The following TMEM234 variants were observed in gnomAD, a reference collection of about 807,000 sequenced individuals.
The protein encoded by TMEM234 is transmembrane protein 234, also known as chromosome 1 open reading frame 91.
Under a neutral mutation model 17.8 loss-of-function variants are expected in TMEM234, and 21 were observed. That is an observed-to-expected ratio of 1.18 (90% CI 0.84 to 1.70). The LOEUF (loss-of-function observed/expected upper bound fraction) is 1.70, where lower values mean the gene tolerates loss of function less well. Ranked by LOEUF, TMEM234 falls within the 40% of genes most tolerant of loss-of-function variation. The pLI, the probability that TMEM234 is intolerant of heterozygous loss-of-function variation, is 0.00. For synonymous variants in TMEM234, 83 were observed against 73.5 expected (o/e 1.13, Z -0.66); for missense variants, 137 against 166.9 (o/e 0.82, Z 0.99).
Position 32,221,069 on chromosome 1 carries a change from C to T in TMEM234, c.235+62G>A, listed in dbSNP as rs187445970. On this transcript the variant is annotated intron_variant, in intron 3 of 4. Transcript: ENST00000309777. ...GGTGTTTCAAGCTCCACCCCGCCCC[C>T]CCCAATCACTCTTCCAGGTGGCCTC... 2.0e-3 allele frequency: 2,927 copies of T among 1,428,058 alleles called. 10 individuals are homozygous for T. Among genetic ancestry groups the T allele is most frequent in the Middle Eastern group, 4.8e-3 (27 of 5,656 alleles). The allele number at this position is 1,428,058 out of a possible 1,614,324, so 88.5% of individuals were successfully genotyped here. A position where few individuals can be genotyped will look rare whatever the true frequency, so the allele number is the denominator to read the frequency against.
At chr1:32,218,501 C>T (rs1021357309) in intron 3 of TMEM234, among the ~76,000 whole-genome samples, 3 of 142,130 alleles carry the variant, frequency 2.1e-5, no homozygotes, top group African/African-American at 5.3e-5. Flanking sequence ...GTGTTCTTAT[C>T]ACATCAAAAA....
At chr1:32,221,073 A>C (rs1638860710) in intron 3 of TMEM234, 58 bp downstream of exon 3, 17 of 1,367,202 alleles carry the variant, frequency 1.2e-5, no homozygotes, top group African/African-American at 2.9e-5. Context: ...CGCCCCCCCC[A>C]ATCACTCTTC....
chr1:32,214,597 G>A, downstream of TMEM234: 2 of 651,474 alleles, frequency 3.1e-6, no homozygotes, highest in Non-Finnish European at 5.1e-6. Context: ...AGGAGTGCCA[G>A]GCATCTACTG....
chr1:32,215,223 A>C (rs1321035588), downstream of TMEM234: 1 of 569,570 alleles, frequency 1.8e-6, no homozygotes, highest in African/African-American at 1.9e-5. Context: ...GCACCTGGAA[A>C]GGGCAGTGCT....
intron 3 of TMEM234, among the ~76,000 whole-genome samples, chr1:32,217,812 A>G (rs997636176): frequency 6.6e-6 from 1 of 152,252 alleles, no homozygotes; most frequent in African/African-American, 2.4e-5. Context: ...TAAAAGAAAC[A>G]AAGGCTCAAA....
intron 1 of TMEM234, 30 bp from the exon 2 acceptor site, chr1:32,222,048 CCCCACCCCAAACGGCCG>C: frequency 6.3e-7 from 1 of 1,578,322 alleles, no homozygotes; most frequent in Non-Finnish European, 8.6e-7. Context: ...TCACCCTGAC[CCCCACCCCAAACGGCCG>C]CCCACCCCGC....
chr1:32,214,797 G>T, downstream of TMEM234: 1 of 1,613,890 alleles, frequency 6.2e-7, no homozygotes, highest in African/African-American at 1.3e-5. Flanking sequence ...CCTTCTCTAG[G>T]CCCAAGGCCA....
intron 3 of TMEM234, among the ~76,000 whole-genome samples, chr1:32,217,849 A>G (rs889136679): frequency 3.9e-5 from 6 of 152,266 alleles, no homozygotes; most frequent in Non-Finnish European, 5.9e-5. Flanking sequence ...AGGCAAGTTG[A>G]GGATTTAAAC....
At chr1:32,215,379 G>A (rs935103330), downstream of TMEM234, 21 of 1,409,786 alleles carry the variant, frequency 1.5e-5, no homozygotes, top group African/African-American at 2.9e-4. Context: ...TGAAGGTCCA[G>A]GGCAGGAATG....
At chr1:32,219,161 C>T (rs145288971) in intron 3 of TMEM234, among the ~76,000 whole-genome samples, 153 of 150,316 alleles carry the variant, frequency 1.0e-3, no homozygotes, top group Admixed American at 1.8e-3. Flanking sequence ...GACCAATGGA[C>T]GAATCAGCTG....
chr1:32,216,057 A>G, downstream of TMEM234: 1 of 730,176 alleles, frequency 1.4e-6, no homozygotes, highest in Non-Finnish European at 2.3e-6. Context: ...CTAAACCCAC[A>G]GCCCAGCCTT....
downstream of TMEM234, chr1:32,215,584 G>A (rs369781830): frequency 6.3e-6 from 10 of 1,580,294 alleles, no homozygotes; most frequent in Non-Finnish European, 8.6e-6. Flanking sequence ...GGGGTGGGAG[G>A]AGCTCTGAGC....
intron 3 of TMEM234, among the ~76,000 whole-genome samples, chr1:32,220,445 G>C (rs1638792932): frequency 6.6e-6 from 1 of 152,180 alleles, no homozygotes; most frequent in Non-Finnish European, 1.5e-5. Flanking sequence ...CCAAAGTGCT[G>C]GGATTACAGG....
At chr1:32,214,694 C>A, downstream of TMEM234, 1 of 1,514,002 alleles carries the variant, frequency 6.6e-7, no homozygotes. Flanking sequence ...TCTCCTCTGC[C>A]ATGTTCCTGC....
At chr1:32,215,524 C>G, downstream of TMEM234, 1 of 1,613,688 alleles carries the variant, frequency 6.2e-7, no homozygotes, top group Non-Finnish European at 8.5e-7. Flanking sequence ...GACACTCAGA[C>G]AGAGGAGCCC....
chr1:32,215,773 C>CA (rs1638331399), downstream of TMEM234: 8 of 1,516,306 alleles, frequency 5.3e-6, no homozygotes, highest in East Asian at 2.0e-4. Flanking sequence ...CTCACGGCTC[C>CA]ATTCTGTATG....
At chr1:32,222,284 G>T in intron 1 of TMEM234, 23 bp downstream of exon 1, 5 of 1,542,512 alleles carry the variant, frequency 3.2e-6, no homozygotes, top group Non-Finnish European at 4.4e-6. Context: ...GAAATCCATG[G>T]AAGGGCGGGG....
At chr1:32,216,103 G>A (rs1638362799), downstream of TMEM234, 1 of 672,608 alleles carries the variant, frequency 1.5e-6, no homozygotes, top group Non-Finnish European at 2.5e-6. Context: ...GGCTGTGGGG[G>A]CTATTTCCTT....
chr1:32,214,950 C>T (rs72666785), downstream of TMEM234: 14,641 of 1,613,648 alleles, frequency 9.1e-3, 100 homozygotes, highest in Non-Finnish European at 0.011. Flanking sequence ...GTCCCTGGGG[C>T]TCAGGCCCTT....
Sources: allele counts gnomAD v4.1 joint callset (sites outside exome capture counted in the v4.1 genomes callset), GRCh38; gene constraint gnomAD v4.1.1; transcripts MANE v1.5; gene names NCBI Gene and HGNC (gene_info 2026-07-23, HGNC 2026-07-21).